AKR1C8: variants seen among roughly 807,000 people sequenced by gnomAD.
AKR1C8 encodes aldo-keto reductase family 1 member C8.
chr10:5,161,902 G>A, the AKR1C8 span: 1,771 of 534,578 alleles, frequency 3.3e-3, 6 homozygotes, highest in Non-Finnish European at 5.1e-3. Flanking sequence ...TACATAGTCC[G>A]GTCCAAGTTT....
At chr10:5,174,509 T>C in the AKR1C8 span, among the ~76,000 whole-genome samples, 1 of 132,370 alleles carries the variant, frequency 7.6e-6, no homozygotes, top group African/African-American at 2.7e-5. Context: ...GCAAACTACT[T>C]CTTTGACCTT....
chr10:5,164,260 T>C, the AKR1C8 span, among the ~76,000 whole-genome samples: 7 of 152,108 alleles, frequency 4.6e-5, no homozygotes, highest in Non-Finnish European at 8.8e-5. Context: ...ACACATTCTT[T>C]CCTTTCCAGT....
the AKR1C8 span, among the ~76,000 whole-genome samples, chr10:5,137,749 G>A: frequency 1.3e-5 from 2 of 152,112 alleles, no homozygotes; most frequent in Non-Finnish European, 2.9e-5. Flanking sequence ...GAAATAAAGA[G>A]AGACAGTATA....
the AKR1C8 span, among the ~76,000 whole-genome samples, chr10:5,144,068 A>C: frequency 1.4e-4 from 22 of 152,162 alleles, no homozygotes; most frequent in Non-Finnish European, 2.8e-4. Context: ...ATGGAAAATT[A>C]TTCAGTTTCA....
At chr10:5,122,209 G>A in the AKR1C8 span, 11 of 312,864 alleles carry the variant, frequency 3.5e-5, no homozygotes, top group Non-Finnish European at 5.9e-5. Context: ...TCCCAGGACA[G>A]CAGCTTCTAC....
chr10:5,123,734 C>T, the AKR1C8 span: 4 of 1,612,916 alleles, frequency 2.5e-6, no homozygotes, highest in African/African-American at 1.3e-5. Context: ...GTTGGGTTCC[C>T]AGAGCACTGT....
the AKR1C8 span, among the ~76,000 whole-genome samples, chr10:5,158,098 A>G: frequency 1.7e-4 from 26 of 152,214 alleles, no homozygotes; most frequent in African/African-American, 5.8e-4. Context: ...CAGCTCACAG[A>G]TATGGTGAAA....
the AKR1C8 span, among the ~76,000 whole-genome samples, chr10:5,129,497 G>A: frequency 2.6e-5 from 4 of 151,960 alleles, no homozygotes; most frequent in African/African-American, 9.7e-5. Flanking sequence ...GTTCTTTGAT[G>A]AGATGAAGAA....
chr10:5,131,671 T>TA, the AKR1C8 span, among the ~76,000 whole-genome samples: 304 of 145,906 alleles, frequency 2.1e-3, no homozygotes, highest in Middle Eastern at 3.4e-3. Context: ...AATTTAAAAG[T>TA]AAAAAAAAAA....
the AKR1C8 span, among the ~76,000 whole-genome samples, chr10:5,137,487 A>G: frequency 6.6e-6 from 1 of 152,164 alleles, no homozygotes; most frequent in African/African-American, 2.4e-5. Flanking sequence ...AAACAGGACC[A>G]ACAACAAAAA....
chr10:5,125,543 T>A, the AKR1C8 span, among the ~76,000 whole-genome samples: 1 of 152,216 alleles, frequency 6.6e-6, no homozygotes, highest in East Asian at 1.9e-4. Flanking sequence ...ACCAACACAG[T>A]TCATTACAGC....
At chr10:5,176,401 T>C in the AKR1C8 span, among the ~76,000 whole-genome samples, 1 of 144,886 alleles carries the variant, frequency 6.9e-6, no homozygotes, top group Non-Finnish European at 1.5e-5. Flanking sequence ...TAGTTTGAAG[T>C]CAGGTAGTGT....
At chr10:5,131,398 A>G in the AKR1C8 span, among the ~76,000 whole-genome samples, 18 of 152,282 alleles carry the variant, frequency 1.2e-4, no homozygotes, top group South Asian at 3.7e-3. Flanking sequence ...GAGACAACCT[A>G]CAGAATGAGA....
At chr10:5,170,042 C>G in the AKR1C8 span, among the ~76,000 whole-genome samples, 2 of 152,092 alleles carry the variant, frequency 1.3e-5, no homozygotes, top group African/African-American at 2.4e-5. Flanking sequence ...CTTAATTACC[C>G]TGGGTTCCAT....
chr10:5,133,678 G>C, the AKR1C8 span, among the ~76,000 whole-genome samples: 1 of 152,130 alleles, frequency 6.6e-6, no homozygotes, highest in Non-Finnish European at 1.5e-5. Flanking sequence ...CAGATATGTA[G>C]AAACCCCACA....
the AKR1C8 span, among the ~76,000 whole-genome samples, chr10:5,168,996 C>T: frequency 6.6e-6 from 1 of 152,114 alleles, no homozygotes; most frequent in African/African-American, 2.4e-5. Context: ...ACCCACCTCC[C>T]TATCTCCTGA....
chr10:5,184,694 G>C, the AKR1C8 span, among the ~76,000 whole-genome samples: 1 of 152,148 alleles, frequency 6.6e-6, no homozygotes, highest in East Asian at 1.9e-4. Flanking sequence ...AATTAAATAA[G>C]ATAATGCATG....
chr10:5,175,222 GAT>G, the AKR1C8 span, among the ~76,000 whole-genome samples: 2 of 150,146 alleles, frequency 1.3e-5, no homozygotes, highest in Admixed American at 6.7e-5. Flanking sequence ...GAGAATGTGC[GAT>G]GTTTGGTTTT....
At chr10:5,161,491 A>G in the AKR1C8 span, among the ~76,000 whole-genome samples, 1 of 152,166 alleles carries the variant, frequency 6.6e-6, no homozygotes, top group East Asian at 1.9e-4. Context: ...GGGGGTTCCC[A>G]TTGTATCTCT....
Sources: gnomAD v4.1 joint callset for allele counts (sites outside exome capture counted in the v4.1 genomes callset) on GRCh38, gnomAD v4.1.1 for gene constraint, MANE v1.5 for transcripts, NCBI Gene and HGNC (gene_info 2026-07-23, HGNC 2026-07-21) for gene names.